The following ADAM23 variants were observed in gnomAD, a reference collection of about 807,000 sequenced individuals.
ADAM23 encodes the protein disintegrin and metalloproteinase domain-containing protein 23.
In ADAM23, 33 loss-of-function variants were observed where a neutral mutation model predicts 120.1. That is an observed-to-expected ratio of 0.27 (90% CI 0.21 to 0.37). The LOEUF is 0.37. Ranked by LOEUF, ADAM23 falls within the 10% of genes least tolerant of loss-of-function variation. The probability of loss-of-function intolerance (pLI) is 1.00; values close to 1 mark genes in which losing one functional copy is unlikely to be tolerated. For missense variants in ADAM23, 862 were observed against 1,058.2 expected, an observed-to-expected ratio of 0.81 and a Z score of 2.57; for synonymous variants, 367 against 375.2, an observed-to-expected ratio of 0.98 and a Z score of 0.25.
chr2:206,578,291 G>A (rs976032892), intron 18 of ADAM23, among the ~76,000 whole-genome samples: 4 of 151,970 alleles, frequency 2.6e-5, no homozygotes, highest in African/African-American at 7.3e-5. Flanking sequence ...AGATTTTGGT[G>A]CATCCATCAC....
chr2:206,571,873 AGT>A, intron 17 of ADAM23, 57 bp downstream of exon 17: 1 of 1,462,394 alleles, frequency 6.8e-7, no homozygotes, highest in Non-Finnish European at 9.6e-7. Context: ...CAGATATCTC[AGT>A]GTGTACACTG....
chr2:206,577,837 C>T (rs1257376752), intron 18 of ADAM23, among the ~76,000 whole-genome samples: 1 of 151,718 alleles, frequency 6.6e-6, no homozygotes. Flanking sequence ...GGAATCACCA[C>T]ACTGACTTCC....
chr2:206,586,568 A>G (rs929209699), intron 18 of ADAM23, among the ~76,000 whole-genome samples: 1 of 152,222 alleles, frequency 6.6e-6, no homozygotes, highest in Non-Finnish European at 1.5e-5. Context: ...ACCTCAGTGC[A>G]CACTGCTGTT....
intron 24 of ADAM23, chr2:206,606,814 C>A: frequency 6.6e-6 from 1 of 152,134 alleles, no homozygotes; most frequent in East Asian, 1.9e-4. Flanking sequence ...GAATGGCAGA[C>A]ATAACCCTTT....
chr2:206,517,835 A>G (rs368078281), intron 3 of ADAM23, among the ~76,000 whole-genome samples: 2 of 152,184 alleles, frequency 1.3e-5, no homozygotes, highest in East Asian at 3.9e-4. Flanking sequence ...AATGGACCAT[A>G]TACAGTTAAT....
chr2:206,568,803 A>T (rs1367907753), intron 15 of ADAM23, among the ~76,000 whole-genome samples: 1 of 152,228 alleles, frequency 6.6e-6, no homozygotes, highest in Non-Finnish European at 1.5e-5. Flanking sequence ...CAGCGAAATA[A>T]TGTTAACCTT....
At chr2:206,462,639 C>T (rs1695448374) in intron 2 of ADAM23, among the ~76,000 whole-genome samples, 1 of 152,104 alleles carries the variant, frequency 6.6e-6, no homozygotes, top group Non-Finnish European at 1.5e-5. Context: ...CTTGGAGACT[C>T]AGCAAGAACA....
At chr2:206,608,073 G>A in intron 24 of ADAM23, 1 of 384,816 alleles carries the variant, frequency 2.6e-6, no homozygotes, top group Non-Finnish European at 5.1e-6. Context: ...ATTGTGGGGA[G>A]GAAATACATG....
At chr2:206,485,679 C>T (rs1384500383) in intron 3 of ADAM23, among the ~76,000 whole-genome samples, 1 of 152,232 alleles carries the variant, frequency 6.6e-6, no homozygotes, top group Non-Finnish European at 1.5e-5. Context: ...CTATGTGCCT[C>T]TGGCTGTTAT....
Position 206,614,911 on chromosome 2 carries a change from T to C in ADAM23, c.2451-2668T>C, listed in dbSNP as rs115393949. Among the ~76,000 whole-genome samples, 1,153 of 152,192 alleles carry C rather than the reference T, an allele frequency of 7.6e-3. 20 individuals carry two copies. Among genetic ancestry groups the C allele is most frequent in the African/African-American group, 0.026 (1,100 of 41,518 alleles). ...CCCTTAATGCCTGGGACTCCTGGGT[T>C]AGGCACTTTCTCTTTCATGGTACCA... is the stretch of plus-strand genomic sequence containing the variant. On this transcript the variant is annotated intron_variant, in intron 25 of 25. Coordinates refer to ENST00000264377, the MANE Select transcript of ADAM23 (RefSeq NM_003812.4).
intron 2 of ADAM23, among the ~76,000 whole-genome samples, chr2:206,460,649 G>A (rs932604313): frequency 7.9e-5 from 12 of 152,104 alleles, no homozygotes; most frequent in Non-Finnish European, 1.8e-4. Flanking sequence ...TCCCTTACCA[G>A]ATACATGATT....
At position 206,445,425 on chromosome 2, in the gene ADAM23, C is replaced by A; in HGVS notation, c.333C>A (p.Ile111=). 2 of 1,614,072 alleles carry A rather than the reference C, an allele frequency of 1.2e-6. No homozygotes were observed. The highest frequency in any genetic ancestry group is 1.7e-6 in the Non-Finnish European group (2 of 1,179,982). Residue 111 remains isoleucine (I), a synonymous_variant, in exon 2 of 26, where the codon ATC becomes ATA. Coordinates refer to ENST00000264377, the MANE Select transcript of ADAM23 (RefSeq NM_003812.4). ...ACAGCAATGCAATGCAGAAAGAAAT[C>A]ACACTGCCTTCAAGACTCATATATT... ...ISYSNAMQKE[I]TLPSRLIYYI...
intron 18 of ADAM23, among the ~76,000 whole-genome samples, chr2:206,579,290 G>A (rs1698177377): frequency 6.6e-6 from 1 of 152,012 alleles, no homozygotes; most frequent in Non-Finnish European, 1.5e-5. Flanking sequence ...TGGGTTCTTG[G>A]TCATGAAATC....
intron 2 of ADAM23, among the ~76,000 whole-genome samples, chr2:206,457,426 C>T (rs567144297): frequency 6.6e-6 from 1 of 152,304 alleles, no homozygotes; most frequent in South Asian, 2.1e-4. Flanking sequence ...TTTTTTCACA[C>T]ATCTGTGGGT....
intron 18 of ADAM23, among the ~76,000 whole-genome samples, chr2:206,584,168 G>T (rs1698275119): frequency 6.6e-6 from 1 of 152,162 alleles, no homozygotes; most frequent in Non-Finnish European, 1.5e-5. Flanking sequence ...CCGGCTCCAG[G>T]CTGGTACTGG....
intron 2 of ADAM23, among the ~76,000 whole-genome samples, chr2:206,451,130 G>A (rs981476076): frequency 6.6e-5 from 10 of 152,236 alleles, no homozygotes; most frequent in African/African-American, 2.2e-4. Flanking sequence ...TGCAGAAGGT[G>A]GAGAAAGGAA....
chr2:206,504,583 C>G (rs1192071647), intron 3 of ADAM23, among the ~76,000 whole-genome samples: 1 of 152,118 alleles, frequency 6.6e-6, no homozygotes, highest in Non-Finnish European at 1.5e-5. Flanking sequence ...TATCATGAAT[C>G]TGAAATCTGG....
At chr2:206,590,318 G>A (rs1241274166) in intron 21 of ADAM23, among the ~76,000 whole-genome samples, 1 of 152,114 alleles carries the variant, frequency 6.6e-6, no homozygotes, top group African/African-American at 2.4e-5. Flanking sequence ...GGCTGGTATT[G>A]AACTCCTGGC....
chr2:206,530,977 T>A, intron 4 of ADAM23, 29 bp downstream of exon 4: 1 of 1,599,116 alleles, frequency 6.3e-7, no homozygotes, highest in Non-Finnish European at 8.6e-7. Flanking sequence ...GCAAGTACTC[T>A]AGTATAAGTG....
Sources: gnomAD v4.1 joint callset for allele counts (sites outside exome capture counted in the v4.1 genomes callset) on GRCh38, gnomAD v4.1.1 for gene constraint, MANE v1.5 for transcripts, NCBI Gene and HGNC (gene_info 2026-07-23, HGNC 2026-07-21) for gene names.